Variants in ABCC4 observed in about 807,000 individuals in gnomAD.
ABCC4 encodes ATP-binding cassette sub-family C member 4.
ABCC4 carries 102 observed loss-of-function variants against 168.5 expected under a neutral mutation model. The ratio of observed to expected loss-of-function variants is 0.61; its 90% confidence interval spans 0.52 to 0.71. ABCC4 has a LOEUF of 0.71. Ranked by LOEUF, ABCC4 falls within the 30% of genes least tolerant of loss-of-function variation. ABCC4 has a pLI of 0.00. For missense variants in ABCC4, 1,402 were observed against 1,605.8 expected (o/e 0.87, Z 2.17); for synonymous variants, 617 against 590.7 (o/e 1.04, Z -0.65).
intron 1 of ABCC4, among the ~76,000 whole-genome samples, chr13:95,255,668 C>T (rs956919837): frequency 1.4e-4 from 21 of 152,204 alleles, no homozygotes; most frequent in African/African-American, 5.1e-4. Flanking sequence ...TTTCTCATCC[C>T]TTCCCGCTTC....
At chr13:95,086,910 C>G (rs1379748796) in intron 20 of ABCC4, among the ~76,000 whole-genome samples, 1 of 152,150 alleles carries the variant, frequency 6.6e-6, no homozygotes, top group Admixed American at 6.5e-5. Flanking sequence ...GTTGCTAACA[C>G]CTCACAGAAA....
At chr13:95,117,073 A>C (rs1344641348) in intron 19 of ABCC4, among the ~76,000 whole-genome samples, 3 of 152,170 alleles carry the variant, frequency 2.0e-5, no homozygotes, top group African/African-American at 7.2e-5. Context: ...CAGCTGGCCA[A>C]GAAGCACAGT....
chr13:95,043,765 T>G lies in ABCC4; in HGVS notation c.3652A>C (p.Lys1218Gln). ...CAGTGGGCAAATTTCTCCCGGATTT[T>G]TTTTTGTATTAACTCATCAGTTCTG... Reference protein sequence around the residue: ...DPRTDELIQKKIREKFAHCTV... With the variant: ...DPRTDELIQKQIREKFAHCTV... The change falls in exon 29 of 31, where the codon AAA becomes CAA. Residue 1218 changes from lysine (K) to glutamine (Q), a missense_variant. Lys to Gln is a moderately conservative substitution (Grantham distance 53, BLOSUM62 1). Transcript: ENST00000645237. 6.2e-7 allele frequency: 1 copy of G among 1,613,950 alleles called. No individual in the cohort carries two copies. Among genetic ancestry groups the G allele is most frequent in the Non-Finnish European group, 8.5e-7 (1 of 1,179,834 alleles).
intron 26 of ABCC4, chr13:95,055,706 A>C (rs2033026457): frequency 6.6e-6 from 1 of 152,112 alleles, no homozygotes; most frequent in Non-Finnish European, 1.5e-5. Flanking sequence ...AACATGGTGA[A>C]ATCCCATCTC....
At chr13:95,223,041 T>C (rs960342625) in intron 4 of ABCC4, among the ~76,000 whole-genome samples, 1 of 152,112 alleles carries the variant, frequency 6.6e-6, no homozygotes, top group Middle Eastern at 3.2e-3. Flanking sequence ...AAGCACTACC[T>C]AACAGGGCCT....
At chr13:95,069,190 C>T (rs1309230857) in intron 25 of ABCC4, among the ~76,000 whole-genome samples, 3 of 152,170 alleles carry the variant, frequency 2.0e-5, no homozygotes, top group African/African-American at 7.2e-5. Flanking sequence ...AGAGAACGGG[C>T]TGTTGCGGGA....
chr13:95,058,873 C>A (rs2033176966), intron 26 of ABCC4, among the ~76,000 whole-genome samples: 1 of 152,188 alleles, frequency 6.6e-6, no homozygotes, highest in Non-Finnish European at 1.5e-5. Context: ...AGGAGCCCGG[C>A]CAAGCAGGGC....
At chr13:95,070,747 G>C (rs1006153699) in intron 25 of ABCC4, among the ~76,000 whole-genome samples, 2 of 152,240 alleles carry the variant, frequency 1.3e-5, no homozygotes, top group East Asian at 3.9e-4. Context: ...GGCTCATTAA[G>C]GTTGCAGCAG....
chr13:95,167,688 A>G (rs1729767), intron 14 of ABCC4, among the ~76,000 whole-genome samples: 52,750 of 152,054 alleles, frequency 0.35, 10,469 homozygotes, highest in African/African-American at 0.55. Context: ...TCTGTAAGAC[A>G]CACAAGGAAA....
At chr13:95,133,323 A>G (rs1265286496) in intron 19 of ABCC4, among the ~76,000 whole-genome samples, 1 of 152,058 alleles carries the variant, frequency 6.6e-6, no homozygotes, top group East Asian at 1.9e-4. Flanking sequence ...CATGTTGGCC[A>G]GGCTGGTCTC....
intron 29 of ABCC4, among the ~76,000 whole-genome samples, chr13:95,036,759 G>A (rs1350556619): frequency 2.0e-5 from 3 of 151,768 alleles, no homozygotes; most frequent in Non-Finnish European, 2.9e-5. Flanking sequence ...AAATAAAACC[G>A]ACCTCTTTAA....
intron 19 of ABCC4, among the ~76,000 whole-genome samples, chr13:95,157,201 C>T (rs538009804): frequency 9.2e-5 from 14 of 152,094 alleles, no homozygotes; most frequent in African/African-American, 2.7e-4. Flanking sequence ...GGGCCCAGCC[C>T]GCTCCCAACA....
chr13:95,300,719 G>A (rs899288089), intron 1 of ABCC4, among the ~76,000 whole-genome samples: 2 of 152,142 alleles, frequency 1.3e-5, no homozygotes, highest in African/African-American at 4.8e-5. Context: ...GATGGCATAG[G>A]TCCAGGACAC....
chr13:95,086,196 AAAG>A (rs1282143050), intron 20 of ABCC4, among the ~76,000 whole-genome samples: 1 of 151,864 alleles, frequency 6.6e-6, no homozygotes, highest in East Asian at 1.9e-4. Context: ...CTCAGCTCAA[AAAG>A]AAGAGCTGAT....
intron 13 of ABCC4, among the ~76,000 whole-genome samples, chr13:95,176,219 AGGGC>A (rs2037681370): frequency 2.7e-4 from 1 of 3,646 alleles, no homozygotes; most frequent in African/African-American, 3.5e-4. Flanking sequence ...CAGGAAGCCG[AGGGC>A]AGGGGGGGGG....
At chr13:95,125,900 C>T (rs185942901) in intron 19 of ABCC4, among the ~76,000 whole-genome samples, 219 of 152,274 alleles carry the variant, frequency 1.4e-3, no homozygotes, top group Non-Finnish European at 2.3e-3. Flanking sequence ...CCCAGCCTCA[C>T]GTAGCATCCA....
intron 27 of ABCC4, among the ~76,000 whole-genome samples, chr13:95,050,443 A>T (rs139625623): frequency 9.7e-4 from 147 of 152,302 alleles, no homozygotes; most frequent in African/African-American, 3.4e-3. Context: ...AACTGTAGAG[A>T]AAAGAAAACA....
At chr13:95,024,350 G>T (rs2031277436) in intron 30 of ABCC4, among the ~76,000 whole-genome samples, 1 of 152,136 alleles carries the variant, frequency 6.6e-6, no homozygotes, top group African/African-American at 2.4e-5. Flanking sequence ...GCGGCAAGAA[G>T]AGTATCAGGT....
chr13:95,285,265 T>C (rs1351786435), intron 1 of ABCC4, among the ~76,000 whole-genome samples: 1 of 147,780 alleles, frequency 6.8e-6, no homozygotes, highest in Non-Finnish European at 1.5e-5. Flanking sequence ...AATAAATAAA[T>C]AGGGGCCAGG....
Sources: gnomAD v4.1 joint callset for allele counts (sites outside exome capture counted in the v4.1 genomes callset) on GRCh38, gnomAD v4.1.1 for gene constraint, MANE v1.5 for transcripts, NCBI Gene and HGNC (gene_info 2026-07-23, HGNC 2026-07-21) for gene names.